DNAJA2: variants seen among roughly 807,000 people sequenced by gnomAD.
DNAJA2 encodes the protein dnaJ homolog subfamily A member 2.
A neutral mutation model predicts 49.3 loss-of-function variants in DNAJA2; 6 were observed. The observed-to-expected ratio is 0.12, with a 90% confidence interval of 0.07 to 0.24. The LOEUF is 0.24. DNAJA2 is among the 10% of genes least tolerant of loss of function. DNAJA2 has a pLI of 1.00. For missense variants in DNAJA2, 347 were observed against 516.8 expected, an observed-to-expected ratio of 0.67 and a Z score of 3.19; for synonymous variants, 160 against 172.7, an observed-to-expected ratio of 0.93 and a Z score of 0.58.
intron 4 of DNAJA2, 82 bp from the exon 5 acceptor site, chr16:46,967,728 ACCTTCATCTT>A: frequency 6.4e-7 from 1 of 1,562,288 alleles, no homozygotes; most frequent in South Asian, 1.1e-5. Context: ...TTGTGCTTTT[ACCTTCATCTT>A]CAACCCCAAT....
intron 8 of DNAJA2, among the ~76,000 whole-genome samples, chr16:46,957,532 G>C (rs1446458767): frequency 6.6e-6 from 1 of 151,874 alleles, no homozygotes; most frequent in Admixed American, 6.6e-5. Flanking sequence ...GAACCTGGGA[G>C]GTGGAAGTTG....
rs909247674 is a variant in DNAJA2, at chr16:46,972,098, G to C, written c.79-143C>G. On this transcript the variant is annotated intron_variant, in intron 1 of 8. Transcript: ENST00000317089. Reference sequence around the variant, plus strand: ...TATTTTCTATTCGTAGGGATTCTTCGGCACTTTCTCGCGATACTGTTTACT... The same window carrying C: ...TATTTTCTATTCGTAGGGATTCTTCCGCACTTTCTCGCGATACTGTTTACT... 3.8e-4 allele frequency: 250 copies of C among 656,356 alleles called. 1 individual carries two copies. The highest frequency in any genetic ancestry group is 3.3e-4 in the Non-Finnish European group (124 of 377,760). 40.7% of individuals were successfully genotyped at this position (656,356 alleles called of 1,614,324 possible).
chr16:46,972,091 A>C (rs1962059918), intron 1 of DNAJA2, 136 bp from the exon 2 acceptor site: 2 of 669,736 alleles, frequency 3.0e-6, no homozygotes, highest in East Asian at 5.4e-5. Flanking sequence ...ATTCGTAGGG[A>C]TTCTTCGGCA....
At chr16:46,969,177 AC>A (rs1226986209) in intron 3 of DNAJA2, among the ~76,000 whole-genome samples, 1 of 152,218 alleles carries the variant, frequency 6.6e-6, no homozygotes, top group East Asian at 1.9e-4. Context: ...AGTTAGAGGA[AC>A]AAAAAAATAG....
chr16:46,958,849 T>G, intron 8 of DNAJA2, 154 bp downstream of exon 8: 1 of 770,256 alleles, frequency 1.3e-6, no homozygotes, highest in Middle Eastern at 3.9e-4. Context: ...GGGGCTGAGG[T>G]GAGAGGATCG....
intron 6 of DNAJA2, chr16:46,959,684 T>C: frequency 3.0e-6 from 1 of 338,402 alleles, no homozygotes; most frequent in South Asian, 5.4e-5. Flanking sequence ...CTCAAAACAG[T>C]GCCAGGTATA....
At chr16:46,973,379 C>T in intron 1 of DNAJA2, 116 bp downstream of exon 1, 5 of 932,888 alleles carry the variant, frequency 5.4e-6, no homozygotes, top group Non-Finnish European at 5.6e-6. Context: ...CAGCCCGGGC[C>T]AGTCACGGCC....
In DNAJA2 at chr16:46,971,445, G is replaced by A; in HGVS notation, c.266C>T (p.Ser89Phe). ...GAACAATCCCCCACCAAAAATGTGA[G>A]AGAAAATATCATCCATGCCACCACC... is the stretch of plus-strand genomic sequence containing the variant. ...GGGGGMDDIFSHIFGGGLFGF... is the reference protein window; with the variant it reads ...GGGGGMDDIFFHIFGGGLFGF... The change falls in exon 3 of 9, where the codon TCT becomes TTT. Residue 89 changes from serine to phenylalanine, a missense_variant. By Grantham distance (155) the Ser-to-Phe change is radical. Transcript: ENST00000317089. The A allele has an allele frequency of 6.2e-7, 1 of 1,614,026 alleles. No homozygotes were observed. Among genetic ancestry groups the A allele is most frequent in the Non-Finnish European group, 8.5e-7 (1 of 1,179,984 alleles).
intron 2 of DNAJA2, 112 bp downstream of exon 2, chr16:46,971,784 G>T: frequency 9.9e-7 from 1 of 1,008,136 alleles, no homozygotes. Flanking sequence ...TTATGAAAAT[G>T]TGGCTGTGTG....
At chr16:46,972,524 A>G (rs116134009) in intron 1 of DNAJA2, 1 of 154,268 alleles carries the variant, frequency 6.5e-6, no homozygotes, top group African/African-American at 2.4e-5. Flanking sequence ...AGTTGCACAC[A>G]CTCTCAACGA....
At chr16:46,967,741 A>C in intron 4 of DNAJA2, 95 bp from the exon 5 acceptor site, 1 of 1,484,144 alleles carries the variant, frequency 6.7e-7, no homozygotes, top group Non-Finnish European at 9.3e-7. Flanking sequence ...TTCATCTTCA[A>C]CCCCAATAAC....
intron 6 of DNAJA2, among the ~76,000 whole-genome samples, chr16:46,961,334 C>T (rs896160006): frequency 6.6e-6 from 1 of 151,958 alleles, no homozygotes; most frequent in Non-Finnish European, 1.5e-5. Context: ...GAACAGAGAT[C>T]GCGCCACTGC....
intron 3 of DNAJA2, among the ~76,000 whole-genome samples, chr16:46,968,486 T>C (rs1962005146): frequency 6.6e-6 from 1 of 152,250 alleles, no homozygotes; most frequent in African/African-American, 2.4e-5. Context: ...TTCTGAGGCA[T>C]AAGCCCTCCA....
rs1479870653 is a variant in DNAJA2 at position 46,959,496 on chromosome 16, T to C, written c.775-77A>G. 7 of 1,373,420 alleles carry C rather than the reference T, an allele frequency of 5.1e-6. No individual in the cohort carries two copies. In the Admixed American group the frequency reaches 1.4e-4, roughly 28 times the overall value. 85.1% of individuals were successfully genotyped at this position (1,373,420 alleles called of 1,614,324 possible). ...ACCCTGCAGCATTATGTTCCTTGACTTAATTTCAAAACCTTATTTCTACCA... is the reference window on the plus strand; with the variant it reads ...ACCCTGCAGCATTATGTTCCTTGACCTAATTTCAAAACCTTATTTCTACCA... On this transcript the variant is annotated intron_variant, in intron 6 of 8. Coordinates refer to ENST00000317089, the MANE Select transcript of DNAJA2 (RefSeq NM_005880.4).
At chr16:46,965,905 G>C (rs570326522) in intron 5 of DNAJA2, among the ~76,000 whole-genome samples, 1 of 150,916 alleles carries the variant, frequency 6.6e-6, no homozygotes, top group Non-Finnish European at 1.5e-5. Flanking sequence ...TTGGTTTCTT[G>C]ATAGTGGGAG....
At chr16:46,969,954 T>C (rs185197093) in intron 3 of DNAJA2, among the ~76,000 whole-genome samples, 81 of 152,298 alleles carry the variant, frequency 5.3e-4, no homozygotes, top group Admixed American at 3.1e-3. Context: ...TGCACAAATA[T>C]TACCATTGGA....
At chr16:46,970,069 C>G (rs1962023342) in intron 3 of DNAJA2, among the ~76,000 whole-genome samples, 1 of 152,128 alleles carries the variant, frequency 6.6e-6, no homozygotes, top group South Asian at 2.1e-4. Flanking sequence ...CTCTAATTTA[C>G]TCAAGTGTAT....
chr16:46,967,739 C>T, intron 4 of DNAJA2, 93 bp from the exon 5 acceptor site: 1 of 1,503,956 alleles, frequency 6.6e-7, no homozygotes. Context: ...CCTTCATCTT[C>T]AACCCCAATA....
chr16:46,958,722 T>G (rs1048085334), intron 8 of DNAJA2: 9 of 282,738 alleles, frequency 3.2e-5, no homozygotes, highest in Admixed American at 4.8e-5. Flanking sequence ...GGGGGTACAG[T>G]GAGCCGAGAC....
Sources: allele counts gnomAD v4.1 joint callset (sites outside exome capture counted in the v4.1 genomes callset), GRCh38; gene constraint gnomAD v4.1.1; transcripts MANE v1.5; gene names NCBI Gene and HGNC (gene_info 2026-07-23, HGNC 2026-07-21).